The following STK39 variants were observed in gnomAD, a reference collection of about 807,000 sequenced individuals.
STK39 encodes serine/threonine kinase 39.
A neutral mutation model predicts 77.8 loss-of-function variants in STK39; 20 were observed. The observed-to-expected ratio is 0.26, with a 90% CI of 0.18 to 0.37. STK39 has a LOEUF of 0.37. Among genes scored for constraint, STK39 ranks in the 10% least tolerant of loss-of-function variants. The pLI, the probability that STK39 is intolerant of heterozygous loss-of-function variation, is 1.00. For missense variants in STK39, 479 were observed against 656.5 expected (o/e 0.73, Z 2.95); for synonymous variants, 246 against 234.1 (o/e 1.05, Z -0.47).
chr2:168,078,375 C>T (rs1686133797), intron 10 of STK39, among the ~76,000 whole-genome samples: 1 of 151,856 alleles, frequency 6.6e-6, no homozygotes, highest in Non-Finnish European at 1.5e-5. Flanking sequence ...ATGTAGGTGG[C>T]CACTGGGCAG....
rs1247017639 is a variant in STK39, at chr2:168,103,011, CCTT to C, written c.1089+26527_1089+26529del. Among the ~76,000 whole-genome samples, 10 of 151,526 alleles carry C rather than the reference CCTT, an allele frequency of 6.6e-5. No homozygotes were observed. In the South Asian group the frequency reaches 1.5e-3, roughly 22 times the overall value. Reference sequence around the variant, plus strand: ...ATTCAATATGAGGACTATTTGGACTCCTTCTGTGTAGGTTTGTGTTCCAATCAC... The same window carrying C: ...ATTCAATATGAGGACTATTTGGACTCCTGTGTAGGTTTGTGTTCCAATCAC... On this transcript the variant is annotated intron_variant, in intron 10 of 17. Coordinates refer to ENST00000355999, the MANE Select transcript of STK39 (RefSeq NM_013233.3).
At chr2:168,060,482 C>G (rs1685636480) in intron 14 of STK39, among the ~76,000 whole-genome samples, 1 of 152,100 alleles carries the variant, frequency 6.6e-6, no homozygotes, top group Non-Finnish European at 1.5e-5. Flanking sequence ...CACCAGAAAC[C>G]AGCCATGCTG....
chr2:168,196,649 CA>C (rs1048079662), intron 1 of STK39, among the ~76,000 whole-genome samples: 1 of 152,102 alleles, frequency 6.6e-6, no homozygotes, highest in African/African-American at 2.4e-5. Context: ...GTCTCAAAAA[CA>C]AAAGGGTAAT....
chr2:168,218,338 T>C (rs1684107256), intron 1 of STK39, among the ~76,000 whole-genome samples: 2 of 152,198 alleles, frequency 1.3e-5, no homozygotes, highest in Non-Finnish European at 2.9e-5. Flanking sequence ...CAAAAGAATA[T>C]CTTGGGAAAG....
At chr2:168,139,825 TATCAGATC>T (rs1687933974) in intron 7 of STK39, among the ~76,000 whole-genome samples, 2 of 152,094 alleles carry the variant, frequency 1.3e-5, no homozygotes, top group Non-Finnish European at 2.9e-5. Context: ...GGCTCACTTA[TATCAGATC>T]AGTTGCCAAC....
intron 1 of STK39, among the ~76,000 whole-genome samples, chr2:168,196,052 G>A (rs2105662553): frequency 6.6e-6 from 1 of 152,254 alleles, no homozygotes; most frequent in South Asian, 2.1e-4. Flanking sequence ...CACTATAAAT[G>A]GGAATGGAGT....
rs147107081 is a variant in STK39, at chr2:168,189,966, A to T, written c.209-7876T>A. ...GGGAGTATAGGGAGAAGAGAGGACA[A>T]CCTAGCCCGCCCGAGCTATGAATGA... On this transcript the variant is annotated intron_variant, in intron 1 of 17. Coordinates refer to ENST00000355999, the MANE Select transcript of STK39 (RefSeq NM_013233.3). 1.2e-4 allele frequency among the ~76,000 whole-genome samples: 19 copies of T among 152,318 alleles called. No individual in the cohort carries two copies. In the East Asian group the frequency reaches 3.3e-3, roughly 26 times the overall value.
intron 14 of STK39, among the ~76,000 whole-genome samples, chr2:168,058,707 T>C (rs1350243137): frequency 6.6e-6 from 1 of 152,196 alleles, no homozygotes; most frequent in Non-Finnish European, 1.5e-5. Context: ...AAGTTCTTTC[T>C]CCCCAATCTG....
chr2:168,095,116 A>G (rs1686628857), intron 10 of STK39, among the ~76,000 whole-genome samples: 1 of 151,718 alleles, frequency 6.6e-6, no homozygotes, highest in Non-Finnish European at 1.5e-5. Context: ...TTCCAGCCTG[A>G]TCTCCTCCTT....
intron 16 of STK39, among the ~76,000 whole-genome samples, chr2:167,991,678 AG>A (rs1457700755): frequency 6.6e-6 from 1 of 152,248 alleles, no homozygotes; most frequent in African/African-American, 2.4e-5. Flanking sequence ...ACAAATGACC[AG>A]GGAATCCATA....
intron 14 of STK39, among the ~76,000 whole-genome samples, chr2:168,033,384 C>T (rs976554904): frequency 1.3e-5 from 2 of 152,172 alleles, no homozygotes; most frequent in African/African-American, 4.8e-5. Flanking sequence ...GAAGAGACTT[C>T]CGGCTACGAA....
At chr2:168,042,375 C>T (rs1381516993) in intron 14 of STK39, among the ~76,000 whole-genome samples, 3 of 152,104 alleles carry the variant, frequency 2.0e-5, no homozygotes, top group African/African-American at 7.2e-5. Context: ...AAAAGCCCTC[C>T]CTTTAAAAAT....
At chr2:168,214,074 C>G (rs937412946) in intron 1 of STK39, among the ~76,000 whole-genome samples, 6 of 152,100 alleles carry the variant, frequency 3.9e-5, no homozygotes, top group African/African-American at 1.4e-4. Flanking sequence ...AGTGGTGGAG[C>G]AGCATGGACT....
intron 2 of STK39, among the ~76,000 whole-genome samples, chr2:168,177,442 T>A (rs908941450): frequency 1.3e-5 from 2 of 151,880 alleles, no homozygotes; most frequent in South Asian, 2.1e-4. Flanking sequence ...TAGGAAAAAA[T>A]TGAAAGGGAT....
chr2:167,995,141 G>A (rs1224404697), intron 16 of STK39, among the ~76,000 whole-genome samples: 5 of 150,840 alleles, frequency 3.3e-5, no homozygotes, highest in East Asian at 1.9e-4. Flanking sequence ...ACAGAGTCTC[G>A]CTCTGTCACC....
intron 10 of STK39, among the ~76,000 whole-genome samples, chr2:168,101,927 C>T (rs1686839237): frequency 6.6e-6 from 1 of 152,090 alleles, no homozygotes; most frequent in Non-Finnish European, 1.5e-5. Context: ...TCCCCATTAG[C>T]AGTTATGCCC....
At chr2:168,059,752 A>C (rs1386846376) in intron 14 of STK39, among the ~76,000 whole-genome samples, 1 of 152,218 alleles carries the variant, frequency 6.6e-6, no homozygotes, top group Non-Finnish European at 1.5e-5. Flanking sequence ...AGCTTTTCAC[A>C]CAGCAACAGA....
chr2:168,018,538 A>AAAAGAAAGAAAAGAAAG (rs1553514700), intron 14 of STK39, among the ~76,000 whole-genome samples: 110 of 85,418 alleles, frequency 1.3e-3, no homozygotes, highest in Non-Finnish European at 1.8e-3. Context: ...GAAAAGAAAG[A>AAAAGAAAGAAAAGAAAG]AAAGAAAGAA....
intron 10 of STK39, among the ~76,000 whole-genome samples, chr2:168,100,538 A>G (rs1686795835): frequency 6.6e-6 from 1 of 152,176 alleles, no homozygotes; most frequent in Non-Finnish European, 1.5e-5. Flanking sequence ...TGTAGGGATT[A>G]CAGGTGTGAG....
Sources: gnomAD v4.1 joint callset for allele counts (sites outside exome capture counted in the v4.1 genomes callset) on GRCh38, gnomAD v4.1.1 for gene constraint, MANE v1.5 for transcripts, NCBI Gene and HGNC (gene_info 2026-07-23, HGNC 2026-07-21) for gene names.